Variants in UNC13C observed in about 807,000 individuals in gnomAD.
UNC13C encodes unc-13 homolog C, also known as protein unc-13 homolog C.
Under a neutral mutation model 245.4 loss-of-function variants are expected in UNC13C, and 174 were observed. The observed-to-expected ratio is 0.71, with a 90% CI of 0.63 to 0.80. UNC13C has a LOEUF of 0.80. Among genes scored for constraint, UNC13C ranks in the 30% least tolerant of loss-of-function variants. The pLI is 0.00. For missense variants in UNC13C, 2,829 were observed against 2,602.9 expected (o/e 1.09, Z -1.89); for synonymous variants, 992 against 895.1 (o/e 1.11, Z -1.93).
At chr15:53,901,710 A>G in the UNC13C span, among the ~76,000 whole-genome samples, 1 of 152,228 alleles carries the variant, frequency 6.6e-6, no homozygotes, top group South Asian at 2.1e-4. Flanking sequence ...AAACATATGA[A>G]TATTTTTGAG....
chr15:53,860,966 T>C, the UNC13C span, among the ~76,000 whole-genome samples: 1 of 152,180 alleles, frequency 6.6e-6, no homozygotes, highest in African/African-American at 2.4e-5. Context: ...GTACATTTGA[T>C]TTTCTGAACC....
chr15:54,182,581 A>G (rs780485893), intron 4 of UNC13C, among the ~76,000 whole-genome samples: 32 of 152,060 alleles, frequency 2.1e-4, no homozygotes, highest in Non-Finnish European at 3.7e-4. Flanking sequence ...TTTCAGTTGA[A>G]TTGGTACCAG....
chr15:54,249,972 G>A (rs533754501), intron 7 of UNC13C, among the ~76,000 whole-genome samples: 1 of 152,296 alleles, frequency 6.6e-6, no homozygotes, highest in South Asian at 2.1e-4. Context: ...GCTGCAGACA[G>A]TGAAGCCCAG....
At chr15:54,207,210 C>G (rs933913317) in intron 4 of UNC13C, among the ~76,000 whole-genome samples, 5 of 151,850 alleles carry the variant, frequency 3.3e-5, no homozygotes, top group Non-Finnish European at 5.9e-5. Context: ...AAATTTGATT[C>G]CTGATGTGGC....
At chr15:54,243,425 G>C (rs1436004684) in intron 7 of UNC13C, among the ~76,000 whole-genome samples, 2 of 152,050 alleles carry the variant, frequency 1.3e-5, no homozygotes, top group African/African-American at 4.8e-5. Flanking sequence ...TTACTATTGT[G>C]AACAGTGCTG....
At chr15:54,555,945 A>G (rs972721884) in intron 29 of UNC13C, among the ~76,000 whole-genome samples, 1 of 151,768 alleles carries the variant, frequency 6.6e-6, no homozygotes, top group African/African-American at 2.4e-5. Flanking sequence ...TAAAATATCA[A>G]CCCTCCCTTC....
At chr15:54,445,828 T>A (rs1348306972) in intron 19 of UNC13C, among the ~76,000 whole-genome samples, 1 of 152,246 alleles carries the variant, frequency 6.6e-6, no homozygotes. Context: ...TGGCTTTTGT[T>A]GCCATTGCTT....
intron 15 of UNC13C, 80 bp downstream of exon 15, chr15:54,332,191 T>C: frequency 1.0e-6 from 1 of 953,320 alleles, no homozygotes; most frequent in Non-Finnish European, 1.6e-6. Flanking sequence ...AAATTACCCA[T>C]CATGTAATAG....
chr15:54,159,255 A>G (rs1595925824), intron 4 of UNC13C, among the ~76,000 whole-genome samples: 1 of 152,322 alleles, frequency 6.6e-6, no homozygotes. Flanking sequence ...TCGAAGTTTC[A>G]CTAGCATTCA....
chr15:53,946,974 A>G, the UNC13C span, among the ~76,000 whole-genome samples: 13 of 152,174 alleles, frequency 8.5e-5, no homozygotes, highest in African/African-American at 2.2e-4. Context: ...TCATTAACAC[A>G]GAGTCTAGCG....
At chr15:54,505,853 T>C (rs1169176769) in intron 22 of UNC13C, among the ~76,000 whole-genome samples, 1 of 150,906 alleles carries the variant, frequency 6.6e-6, no homozygotes, top group Non-Finnish European at 1.5e-5. Context: ...TTGCTAACCA[T>C]TGGCATTTGT....
intron 1 of UNC13C, among the ~76,000 whole-genome samples, chr15:53,989,480 C>T (rs1448118200): frequency 6.6e-6 from 1 of 151,680 alleles, no homozygotes; most frequent in Non-Finnish European, 1.5e-5. Context: ...TTAATTAAAA[C>T]TATAACTCCT....
chr15:54,456,414 G>A (rs936249179), intron 19 of UNC13C, among the ~76,000 whole-genome samples: 6 of 151,890 alleles, frequency 4.0e-5, no homozygotes, highest in African/African-American at 1.4e-4. Flanking sequence ...TATGGGAATT[G>A]CATTGAATAT....
chr15:54,372,304 T>C (rs889387607), intron 17 of UNC13C, among the ~76,000 whole-genome samples: 2 of 152,092 alleles, frequency 1.3e-5, no homozygotes, highest in African/African-American at 4.8e-5. Flanking sequence ...TTGTTTTCTA[T>C]TAGTAATAGA....
chr15:54,260,729 T>G (rs1349644162), intron 8 of UNC13C, among the ~76,000 whole-genome samples: 1 of 148,722 alleles, frequency 6.7e-6, no homozygotes, highest in Non-Finnish European at 1.5e-5. Flanking sequence ...TATATATAAC[T>G]TTATATATGT....
intron 4 of UNC13C, among the ~76,000 whole-genome samples, chr15:54,196,480 T>C (rs1330573762): frequency 6.6e-6 from 1 of 152,140 alleles, no homozygotes; most frequent in Non-Finnish European, 1.5e-5. Context: ...CCAAGTTATT[T>C]TATGAAACTG....
At chr15:54,279,236 A>G (rs2036914076) in intron 10 of UNC13C, among the ~76,000 whole-genome samples, 1 of 152,150 alleles carries the variant, frequency 6.6e-6, no homozygotes, top group Non-Finnish European at 1.5e-5. Context: ...CCCAGAGAGG[A>G]CTGAGGAATA....
the UNC13C span, among the ~76,000 whole-genome samples, chr15:53,859,936 T>A: frequency 6.6e-6 from 1 of 152,202 alleles, no homozygotes; most frequent in Non-Finnish European, 1.5e-5. Context: ...GGGTGAGAAA[T>A]ATCTGCACTG....
chr15:54,325,931 C>T (rs2038288464), intron 14 of UNC13C, among the ~76,000 whole-genome samples: 1 of 151,802 alleles, frequency 6.6e-6, no homozygotes, highest in Non-Finnish European at 1.5e-5. Flanking sequence ...TAAATATAAA[C>T]ATGTTTATAG....
Sources: allele counts gnomAD v4.1 joint callset (sites outside exome capture counted in the v4.1 genomes callset), GRCh38; gene constraint gnomAD v4.1.1; transcripts MANE v1.5; gene names NCBI Gene and HGNC (gene_info 2026-07-23, HGNC 2026-07-21).